Variants in CC2D1A observed in about 807,000 individuals in gnomAD.
CC2D1A encodes coiled-coil and C2 domain containing 1A, also known as coiled-coil and C2 domain-containing protein 1A.
In CC2D1A, 68 loss-of-function variants were observed where a neutral mutation model predicts 123.8. The ratio of observed to expected loss-of-function variants is 0.55; its 90% CI spans 0.45 to 0.67. The LOEUF (loss-of-function observed/expected upper bound fraction) is 0.67. Ranked by LOEUF, CC2D1A falls within the 30% of genes least tolerant of loss-of-function variation. The pLI is 0.00. For missense variants in CC2D1A, 1,185 were observed against 1,290.3 expected (o/e 0.92, Z 1.25); for synonymous variants, 477 against 528.0 (o/e 0.90, Z 1.32).
In CC2D1A at chr19:13,906,376, G is replaced by A. The variant is rs1203052370; in HGVS notation, c.-66G>A. ...GGAAGGGCGAGTGCGCGGCGACAGA[G>A]CCCGGGGAAGGAGGCAGGGCAAGGC... On this transcript the variant is annotated 5_prime_UTR_variant, in exon 1 of 29. Coordinates refer to ENST00000318003, the MANE Select transcript of CC2D1A (RefSeq NM_017721.5). This position sits in a 1 kb window ranked among gnomAD's most constrained non-coding sequence, Gnocchi z 4.1. The A allele has an allele frequency of 2.2e-6, 3 of 1,353,302 alleles. No homozygotes were observed. Among genetic ancestry groups the A allele is most frequent in the African/African-American group, 1.5e-5 (1 of 66,062 alleles). The allele number at this position is 1,353,302 out of a possible 1,614,324, so 83.8% of individuals were successfully genotyped here.
intron 2 of CC2D1A, among the ~76,000 whole-genome samples, chr19:13,911,666 C>T (rs1227892822): frequency 6.6e-6 from 1 of 150,422 alleles, no homozygotes; most frequent in Non-Finnish European, 1.5e-5. Context: ...CTGCCTCAGC[C>T]TCTTTAGCAG....
intron 6 of CC2D1A, 137 bp downstream of exon 6, chr19:13,913,775 G>A: frequency 1.6e-6 from 1 of 618,148 alleles, no homozygotes; most frequent in Non-Finnish European, 2.7e-6. Context: ...TCAAGCCCCT[G>A]GAGTTCATGA....
chr19:13,918,254 T>G, intron 7 of CC2D1A, 60 bp downstream of exon 7: 3 of 1,466,816 alleles, frequency 2.0e-6, no homozygotes, highest in Non-Finnish European at 2.7e-6. Context: ...CCACGTGGCC[T>G]GGTGGCAAAG....
intron 22 of CC2D1A, 78 bp downstream of exon 22, chr19:13,927,343 G>A: frequency 8.0e-7 from 1 of 1,255,754 alleles, no homozygotes; most frequent in Non-Finnish European, 1.2e-6. Flanking sequence ...TTCCTGCCTT[G>A]AGCCCTCTAT....
chr19:13,923,817 G>T lies in CC2D1A; in HGVS notation c.1940+6G>T, dbSNP rs759744533. 2 of 1,606,974 alleles carry T rather than the reference G, an allele frequency of 1.2e-6. No individual in the cohort carries two copies. Among genetic ancestry groups the T allele is most frequent in the African/African-American group, 2.7e-5 (2 of 74,810 alleles). On this transcript the variant is annotated splice_donor_region_variant and intron_variant, in intron 17 of 28. Transcript: ENST00000318003. The surrounding 1 kb of genome is among the most constrained non-coding windows in gnomAD (Gnocchi z 5.3). ...AGGACCTTCAGCGTCATCAAGTAAGGCTCCTGATCTACGCCCCACCACGTG... is the reference window on the plus strand; with the variant it reads ...AGGACCTTCAGCGTCATCAAGTAAGTCTCCTGATCTACGCCCCACCACGTG...
At chr19:13,918,859 C>T in intron 9 of CC2D1A, 42 bp downstream of exon 9, 7 of 1,610,296 alleles carry the variant, frequency 4.3e-6, no homozygotes, top group Non-Finnish European at 5.9e-6. Flanking sequence ...AGGCTGGAGC[C>T]AGACTGTCTA....
At chr19:13,926,025 T>C (rs573286692) in intron 17 of CC2D1A, among the ~76,000 whole-genome samples, 73 of 99,672 alleles carry the variant, frequency 7.3e-4, no homozygotes, top group South Asian at 3.9e-3. Flanking sequence ...CGTATATATA[T>C]GTGTATATAT....
intron 6 of CC2D1A, 42 bp downstream of exon 6, chr19:13,913,680 G>C (rs764935917): frequency 6.9e-7 from 1 of 1,456,760 alleles, no homozygotes. Flanking sequence ...GATCCGAGTG[G>C]GCCATCTGGC....
Position 13,913,412 on chromosome 19 carries a change from A to G in CC2D1A, c.522A>G (p.Glu174=). Residue 174 remains glutamate, a synonymous_variant, in exon 6 of 29, where the codon GAA becomes GAG. Transcript: ENST00000318003. ...CTCACGCCTTATCTTAGACACTGGA[A>G]AACCTGCTCGCCTCCATCCGTAAGG... ...RRYDRGLKTL[E]NLLASIRKGN... 1.2e-6 allele frequency: 2 copies of G among 1,614,004 alleles called. No homozygotes were observed. The highest frequency in any genetic ancestry group is 1.7e-6 in the Non-Finnish European group (2 of 1,179,982).
rs1394778363 is a variant in CC2D1A at position 13,919,971 on chromosome 19, G to A, written c.1356+20G>A. 2 of 1,604,562 alleles carry A rather than the reference G, an allele frequency of 1.2e-6. No homozygotes were observed. The highest frequency in any genetic ancestry group is 2.7e-5 in the African/African-American group (2 of 74,660). ...AAGAAGGTTTGAGGGTTGGGGCCGG[G>A]CGCAGTGGCTCACACCTGTAGTCCC... is the stretch of plus-strand genomic sequence containing the variant. On this transcript the variant is annotated intron_variant, in intron 12 of 28. Transcript: ENST00000318003.
In CC2D1A at chr19:13,917,930, C is replaced by T. The variant is rs1460363987; in HGVS notation, c.749-140C>T. The T allele has an allele frequency of 7.2e-6, 6 of 838,016 alleles. No individual in the cohort carries two copies. The African/African-American group carries it at 9.0e-5, about 13-fold the overall frequency. 51.9% of individuals were successfully genotyped at this position (838,016 alleles called of 1,614,324 possible). A position where few individuals can be genotyped will look rare whatever the true frequency, so the allele number is the denominator to read the frequency against. ...AAGTTGCAGTGAGCTGAGATTGCGC[C>T]ACTGTACCCCAGCATGGGCAACAGA... is the stretch of plus-strand genomic sequence containing the variant. On this transcript the variant is annotated intron_variant, in intron 6 of 28. Transcript: ENST00000318003.
At chr19:13,928,217 GA>G (rs937595253) in intron 24 of CC2D1A, 29 bp downstream of exon 24, 1 of 1,598,272 alleles carries the variant, frequency 6.3e-7, no homozygotes, top group Non-Finnish European at 8.6e-7. Context: ...GCATGCTGGA[GA>G]AAACACCCAA....
At chr19:13,927,347 C>T in intron 22 of CC2D1A, 82 bp downstream of exon 22, 1 of 1,163,020 alleles carries the variant, frequency 8.6e-7, no homozygotes, top group Non-Finnish European at 1.3e-6. Flanking sequence ...TGCCTTGAGC[C>T]CTCTATGAGC....
rs764881191 is a variant in CC2D1A, at chr19:13,923,576, C to G, written c.1793C>G (p.Thr598Ser). 6.2e-7 allele frequency: 1 copy of G among 1,614,164 alleles called. No individual in the cohort carries two copies. The part of the protein sequence containing the change: ...EMCLNHSNQF[T>S]QLGNITETTK... ...TGCCTGAACCACTCAAACCAATTCA[C>G]CCAGCTGGGCAACATCACTGAAACC... Residue 598 changes from threonine (T) to serine (S), a missense_variant, in exon 16 of 29, where the codon ACC becomes AGC. Transcript: ENST00000318003. The surrounding 1 kb of genome is among the most constrained non-coding windows in gnomAD (Gnocchi z 5.3).
intron 1 of CC2D1A, among the ~76,000 whole-genome samples, chr19:13,909,431 CTG>C (rs1970914439): frequency 6.6e-6 from 1 of 151,014 alleles, no homozygotes; most frequent in African/African-American, 2.4e-5. Context: ...GGGGGTCTCA[CTG>C]TATTGCCCAG....
At chr19:13,926,942 C>A (rs1971665091) in intron 20 of CC2D1A, 36 bp from the exon 21 acceptor site, 13 of 1,611,858 alleles carry the variant, frequency 8.1e-6, no homozygotes, top group Non-Finnish European at 1.0e-5. Flanking sequence ...AATGGCCTGA[C>A]CCCACCCAAC....
intron 17 of CC2D1A, among the ~76,000 whole-genome samples, chr19:13,926,015 CGT>C (rs527803985): frequency 0.027 from 2,240 of 83,586 alleles, 161 homozygotes; most frequent in African/African-American, 0.14. Context: ...TATATATATA[CGT>C]ATATATATGT....
chr19:13,913,468 C>A lies in CC2D1A; in HGVS notation c.578C>A (p.Pro193Gln). 1 of 1,614,196 alleles carries A rather than the reference C, an allele frequency of 6.2e-7. No homozygotes were observed. Among genetic ancestry groups the A allele is most frequent in the Non-Finnish European group, 8.5e-7 (1 of 1,180,044 alleles). Residue 193 changes from proline to glutamine, a missense_variant, in exon 6 of 29, where the codon CCG becomes CAG. Transcript: ENST00000318003. ...GNAIDEADIP[P>Q]PVAIGKGPAS... ...GCCATTGACGAAGCGGACATCCCGC[C>A]GCCAGTGGCCATAGGAAAAGGCCCG...
chr19:13,927,662 C>G (rs768694713), intron 22 of CC2D1A: 3 of 538,174 alleles, frequency 5.6e-6, no homozygotes, highest in Non-Finnish European at 1.0e-5. Flanking sequence ...CCTGTAGTCC[C>G]AGCTACTCGG....
Sources: allele counts gnomAD v4.1 joint callset (sites outside exome capture counted in the v4.1 genomes callset), GRCh38; gene constraint gnomAD v4.1.1; non-coding constraint Gnocchi (gnomAD v3.1); transcripts MANE v1.5; gene names NCBI Gene and HGNC (gene_info 2026-07-23, HGNC 2026-07-21).